Variants in KLRG2 observed in about 807,000 individuals in gnomAD.
KLRG2 encodes killer cell lectin like receptor G2.
Under a neutral mutation model 35.4 loss-of-function variants are expected in KLRG2, and 39 were observed. The ratio of observed to expected loss-of-function variants is 1.10; its 90% CI spans 0.85 to 1.44. KLRG2 has a LOEUF of 1.44. Among genes scored for constraint, KLRG2 ranks in the 40% most tolerant of loss-of-function variants. The pLI, the probability that KLRG2 is intolerant of heterozygous loss-of-function variation, is 0.00. For missense variants in KLRG2, 632 were observed against 570.9 expected, an observed-to-expected ratio of 1.11 and a Z score of -1.09; for synonymous variants, 283 against 265.8, an observed-to-expected ratio of 1.06 and a Z score of -0.63.
chr7:139,434,997 C>T, the KLRG2 span, among the ~76,000 whole-genome samples: 2 of 152,148 alleles, frequency 1.3e-5, no homozygotes, highest in Non-Finnish European at 2.9e-5. Flanking sequence ...ATTGCTGAGG[C>T]TTAAAAAAGT....
intron 3 of KLRG2, among the ~76,000 whole-genome samples, chr7:139,457,544 G>A (rs1796498023): frequency 6.6e-6 from 1 of 152,210 alleles, no homozygotes; most frequent in Non-Finnish European, 1.5e-5. Flanking sequence ...CGGCCACCTA[G>A]TACACACTCA....
At chr7:139,480,084 G>T in intron 2 of KLRG2, 62 bp downstream of exon 2, 1 of 1,142,902 alleles carries the variant, frequency 8.7e-7, no homozygotes, top group Non-Finnish European at 1.3e-6. Context: ...TTAAGGGCTG[G>T]AAACACAGCC....
At chr7:139,464,927 G>A (rs1327459504) in intron 3 of KLRG2, among the ~76,000 whole-genome samples, 7 of 152,092 alleles carry the variant, frequency 4.6e-5, no homozygotes, top group South Asian at 2.1e-4. Flanking sequence ...AGCTATACTC[G>A]CTCTTTGTTG....
chr7:139,468,833 C>T (rs951322857), intron 3 of KLRG2, among the ~76,000 whole-genome samples: 2 of 152,184 alleles, frequency 1.3e-5, no homozygotes, highest in Admixed American at 6.5e-5. Flanking sequence ...CTTGGAGTCA[C>T]GCTTTTAAAG....
intron 1 of KLRG2, among the ~76,000 whole-genome samples, chr7:139,482,445 T>C (rs897420817): frequency 2.0e-5 from 3 of 151,524 alleles, no homozygotes; most frequent in African/African-American, 7.3e-5. Flanking sequence ...CAGGCTGGAG[T>C]ACAATGGCAT....
intron 3 of KLRG2, among the ~76,000 whole-genome samples, chr7:139,458,569 C>T (rs904655493): frequency 2.0e-5 from 3 of 152,156 alleles, no homozygotes; most frequent in Admixed American, 6.5e-5. Context: ...CCCCATCCCC[C>T]GCTGCACTGG....
chr7:139,461,491 C>T (rs1273725582), intron 3 of KLRG2, among the ~76,000 whole-genome samples: 3 of 152,326 alleles, frequency 2.0e-5, no homozygotes, highest in African/African-American at 7.2e-5. Context: ...CCAAGCTAAG[C>T]CATCATATCC....
downstream of KLRG2, among the ~76,000 whole-genome samples, chr7:139,451,878 A>AGCTTCCT: frequency 6.6e-6 from 1 of 151,814 alleles, no homozygotes; most frequent in Non-Finnish European, 1.5e-5. Flanking sequence ...TAACATACAC[A>AGCTTCCT]GCTTCCTGCC....
chr7:139,480,302 C>CAACTCAG, intron 1 of KLRG2, 55 bp from the exon 2 acceptor site: 2 of 953,226 alleles, frequency 2.1e-6, no homozygotes, highest in Non-Finnish European at 3.4e-6. Flanking sequence ...CCAACCAACC[C>CAACTCAG]AACTCAGAAC....
rs542980685 is a variant in KLRG2, at chr7:139,482,658, G to T, written c.757+228C>A. Among the ~76,000 whole-genome samples, 434 of 152,316 alleles carry T rather than the reference G, an allele frequency of 2.8e-3. 2 individuals are homozygous for T. Among genetic ancestry groups the T allele is most frequent in the Non-Finnish European group, 3.9e-3 (268 of 68,040 alleles). The stretch of plus-strand genomic sequence containing the variant: ...TCCGCCCGCCTCGGCTTCCCAAAGT[G>T]CTGGGATTACAGGCGTGAGACACGG... On this transcript the variant is annotated intron_variant, in intron 1 of 4. Coordinates refer to ENST00000340940, the MANE Select transcript of KLRG2 (RefSeq NM_198508.4).
Position 139,482,963 on chromosome 7 carries a change from T to C in KLRG2, c.680A>G (p.Glu227Gly). The C allele has an allele frequency of 6.8e-7, 1 of 1,462,212 alleles. No homozygotes were observed. The highest frequency in any genetic ancestry group is 8.9e-7 in the Non-Finnish European group (1 of 1,117,988). 90.6% of individuals were successfully genotyped at this position (1,462,212 alleles called of 1,614,324 possible). A position where few individuals can be genotyped will look rare whatever the true frequency, so the allele number is the denominator to read the frequency against. ...TCCRCKELGL[E>G]KEDAALLPRA... is the part of the protein sequence containing the mutation. ...GGGCAACAGCGCCGCATCCTCCTTC[T>C]CCAGCCCCAGCTCCTTGCAGCGGCA... is the stretch of plus-strand genomic sequence containing the variant. The change falls in exon 1 of 5, where the codon GAG becomes GGG. Residue 227 changes from glutamate (E) to glycine (G), a missense_variant. Coordinates refer to ENST00000340940, the MANE Select transcript of KLRG2 (RefSeq NM_198508.4).
At position 139,479,709 on chromosome 7, in the gene KLRG2, G is replaced by A; in HGVS notation, c.923C>T (p.Ser308Phe). Residue 308 changes from serine (S) to phenylalanine (F), a missense_variant, in exon 3 of 5, where the codon TCT becomes TTT. By Grantham distance (155) the Ser-to-Phe change is radical. Coordinates refer to ENST00000340940, the MANE Select transcript of KLRG2 (RefSeq NM_198508.4). ...GGCTTCCCAGGCCTGCGCTTCTGCA[G>A]AGAAGTAGTAACAGTGCTCCTCGGA... Reference protein sequence around the residue: ...VLSEEHCYYFSAEAQAWEASQ... With the variant: ...VLSEEHCYYFFAEAQAWEASQ... 6.2e-7 allele frequency: 1 copy of A among 1,614,096 alleles called. No homozygotes were observed. The highest frequency in any genetic ancestry group is 8.5e-7 in the Non-Finnish European group (1 of 1,180,022).
At chr7:139,442,204 C>T in the KLRG2 span, among the ~76,000 whole-genome samples, 10 of 152,084 alleles carry the variant, frequency 6.6e-5, no homozygotes, top group Admixed American at 1.3e-4. Flanking sequence ...AGGCTGAATG[C>T]GGAGTCACAC....
chr7:139,453,812 G>A (rs917522611), intron 4 of KLRG2, 105 bp from the exon 5 acceptor site: 86 of 1,342,086 alleles, frequency 6.4e-5, no homozygotes, highest in Admixed American at 2.7e-4. Flanking sequence ...TACCGGCCTG[G>A]GCACTGAGTG....
chr7:139,447,350 A>G, the KLRG2 span, among the ~76,000 whole-genome samples: 1 of 151,924 alleles, frequency 6.6e-6, no homozygotes, highest in Non-Finnish European at 1.5e-5. Context: ...CCTAAGCCAC[A>G]AACCTGTACA....
the KLRG2 span, among the ~76,000 whole-genome samples, chr7:139,429,968 C>G: frequency 6.7e-6 from 1 of 150,100 alleles, no homozygotes; most frequent in East Asian, 1.9e-4. Flanking sequence ...GGGGGGCTGA[C>G]CCCCCCCATA....
chr7:139,482,970 C>G lies in KLRG2; in HGVS notation c.673G>C (p.Gly225Arg), dbSNP rs1037728694. Reference sequence around the variant, plus strand: ...AGCGCCGCATCCTCCTTCTCCAGCCCCAGCTCCTTGCAGCGGCAGCACGTG... The same window carrying G: ...AGCGCCGCATCCTCCTTCTCCAGCCGCAGCTCCTTGCAGCGGCAGCACGTG... ...SPTCCRCKEL[G>R]LEKEDAALLP... Residue 225 changes from glycine to arginine, a missense_variant, in exon 1 of 5, where the codon GGG (glycine) becomes CGG (arginine). By Grantham distance (125) the Gly-to-Arg change is moderately radical. Coordinates refer to ENST00000340940, the MANE Select transcript of KLRG2 (RefSeq NM_198508.4). The G allele has an allele frequency of 2.4e-5, 34 of 1,436,886 alleles. No individual in the cohort carries two copies. Among genetic ancestry groups the G allele is most frequent in the Non-Finnish European group, 3.1e-5 (34 of 1,105,810 alleles). The allele number at this position is 1,436,886 out of a possible 1,614,324, so 89.0% of individuals were successfully genotyped here.
chr7:139,481,368 A>G (rs928705078), intron 1 of KLRG2, among the ~76,000 whole-genome samples: 2 of 152,194 alleles, frequency 1.3e-5, no homozygotes, highest in African/African-American at 4.8e-5. Context: ...ATATTCCATC[A>G]CACAGAAAAT....
At chr7:139,430,698 A>C in the KLRG2 span, among the ~76,000 whole-genome samples, 1 of 152,122 alleles carries the variant, frequency 6.6e-6, no homozygotes, top group African/African-American at 2.4e-5. Context: ...AAGAGCGGAA[A>C]TATCCATCAA....
Sources: gnomAD v4.1 joint callset for allele counts (sites outside exome capture counted in the v4.1 genomes callset) on GRCh38, gnomAD v4.1.1 for gene constraint, MANE v1.5 for transcripts, NCBI Gene and HGNC (gene_info 2026-07-23, HGNC 2026-07-21) for gene names.